SPATA6L: variants seen among roughly 807,000 people sequenced by gnomAD.
SPATA6L encodes spermatogenesis associated 6 like.
Under a neutral mutation model 49.2 loss-of-function variants are expected in SPATA6L, and 68 were observed. That is an observed-to-expected ratio of 1.38 (90% CI 1.14 to 1.69). The LOEUF (loss-of-function observed/expected upper bound fraction) is 1.69, where lower values mean the gene tolerates loss of function less well. Ranked by LOEUF, SPATA6L falls within the 40% of genes most tolerant of loss-of-function variation. SPATA6L has a pLI of 0.00. For synonymous variants in SPATA6L, 198 were observed against 165.7 expected, an observed-to-expected ratio of 1.19 and a Z score of -1.50; for missense variants, 668 against 464.3, an observed-to-expected ratio of 1.44 and a Z score of -4.03.
At chr9:4,632,393 C>G (rs544362082) in intron 4 of SPATA6L, among the ~76,000 whole-genome samples, 2 of 151,528 alleles carry the variant, frequency 1.3e-5, no homozygotes, top group African/African-American at 4.9e-5. Context: ...GTCAGGAGTT[C>G]GAGACCAGCC....
intron 11 of SPATA6L, among the ~76,000 whole-genome samples, chr9:4,602,279 A>G (rs998800729): frequency 6.6e-6 from 1 of 152,020 alleles, no homozygotes; most frequent in African/African-American, 2.4e-5. Flanking sequence ...CATGTGGGCT[A>G]TGTTCCGTAT....
chr9:4,597,132 C>T (rs897265780), downstream of SPATA6L, among the ~76,000 whole-genome samples: 1 of 151,998 alleles, frequency 6.6e-6, no homozygotes, highest in Non-Finnish European at 1.5e-5. Context: ...AGGCACTCAG[C>T]CTGTAAATGG....
Position 4,635,275 on chromosome 9 carries a change from T to C in SPATA6L, c.351A>G (p.Pro117=), listed in dbSNP as rs1422314553. The C allele has an allele frequency of 2.6e-6, 4 of 1,513,340 alleles. No individual in the cohort carries two copies. Among genetic ancestry groups the C allele is most frequent in the Non-Finnish European group, 3.5e-6 (4 of 1,142,586 alleles). The allele number at this position is 1,513,340 out of a possible 1,614,324, so 93.7% of individuals were successfully genotyped here. A position where few individuals can be genotyped will look rare whatever the true frequency, so the allele number is the denominator to read the frequency against. The change falls in exon 4 of 12, where the codon CCA becomes CCG. Residue 117 remains proline, a splice_region_variant and synonymous_variant. Coordinates refer to ENST00000682582, the MANE Select transcript of SPATA6L (RefSeq NM_001353486.2). The part of the protein sequence containing the change: ...EVLMKTALGF[P]GIAPKIEFST... Reference sequence around the variant, plus strand: ...GCCCAGATGAGCATGAATCACTTACTGGAAAACCCAGAGCCGTCTTCATGA... The same window carrying C: ...GCCCAGATGAGCATGAATCACTTACCGGAAAACCCAGAGCCGTCTTCATGA...
chr9:4,660,382 G>A (rs1264930066), intron 2 of SPATA6L, among the ~76,000 whole-genome samples: 1 of 152,196 alleles, frequency 6.6e-6, no homozygotes, highest in East Asian at 1.9e-4. Flanking sequence ...GACATGAACA[G>A]ACACTTCTCA....
chr9:4,657,894 A>G (rs1028864105), intron 2 of SPATA6L, among the ~76,000 whole-genome samples: 1 of 152,120 alleles, frequency 6.6e-6, no homozygotes, highest in Non-Finnish European at 1.5e-5. Flanking sequence ...ATTGGGCTTC[A>G]GTTTGCTTAC....
At chr9:4,632,424 C>T (rs1408810471) in intron 4 of SPATA6L, among the ~76,000 whole-genome samples, 9 of 151,620 alleles carry the variant, frequency 5.9e-5, no homozygotes, top group Admixed American at 1.3e-4. Context: ...GAGGAAACCT[C>T]GTCTCTACTA....
chr9:4,636,833 G>A (rs530587406), intron 3 of SPATA6L, among the ~76,000 whole-genome samples: 1 of 151,988 alleles, frequency 6.6e-6, no homozygotes, highest in Non-Finnish European at 1.5e-5. Context: ...CTTCCCACTC[G>A]TGTGCTCCCA....
rs1275113747 is a variant in SPATA6L, at chr9:4,617,996, C to T, written c.922G>A (p.Gly308Arg). The T allele has an allele frequency of 7.4e-6, 12 of 1,613,886 alleles. No individual in the cohort carries two copies. The highest frequency in any genetic ancestry group is 4.5e-5 in the East Asian group (2 of 44,884). The change falls in exon 9 of 12, where the codon GGG becomes AGG. Residue 308 changes from glycine to arginine, a missense_variant. Gly to Arg is a moderately radical substitution (Grantham distance 125, BLOSUM62 -2). Coordinates refer to ENST00000682582, the MANE Select transcript of SPATA6L (RefSeq NM_001353486.2). ...TGGTAGGTGGCAAATGAAGCTTTCC[C>T]GTGGAAATCAGCATCCCCTTGTTTA... is the stretch of plus-strand genomic sequence containing the variant. ...SSKQGDADFH[G>R]KASFATYQHS...
intron 3 of SPATA6L, among the ~76,000 whole-genome samples, chr9:4,651,539 G>A (rs968922802): frequency 1.3e-5 from 2 of 152,066 alleles, no homozygotes; most frequent in African/African-American, 4.8e-5. Context: ...GACATAACAA[G>A]AAAACAAAAC....
chr9:4,641,044 T>C (rs1833921181), intron 3 of SPATA6L, among the ~76,000 whole-genome samples: 2 of 152,182 alleles, frequency 1.3e-5, no homozygotes, highest in South Asian at 4.1e-4. Flanking sequence ...AGAATATATA[T>C]AGTCAACATA....
chr9:4,647,957 C>T (rs549721473), intron 3 of SPATA6L, among the ~76,000 whole-genome samples: 2 of 151,974 alleles, frequency 1.3e-5, no homozygotes, highest in Non-Finnish European at 1.5e-5. Context: ...GCCTCAGCCT[C>T]TCGAGTAGCT....
intron 3 of SPATA6L, among the ~76,000 whole-genome samples, chr9:4,635,784 A>G (rs1361487166): frequency 6.6e-6 from 1 of 152,218 alleles, no homozygotes. Context: ...TACAGTTTAG[A>G]CTGGGGTTCA....
intron 8 of SPATA6L, among the ~76,000 whole-genome samples, chr9:4,618,550 T>C (rs1318093936): frequency 2.6e-5 from 4 of 152,198 alleles, no homozygotes; most frequent in African/African-American, 9.7e-5. Flanking sequence ...CAAGAACAAG[T>C]GATTTACCAC....
At chr9:4,591,319 T>C (rs927445296) in intron 13 of SPATA6L, among the ~76,000 whole-genome samples, 2 of 152,170 alleles carry the variant, frequency 1.3e-5, no homozygotes, top group African/African-American at 4.8e-5. Context: ...GGTTATTAGC[T>C]TAGCTTGGCA....
downstream of SPATA6L, among the ~76,000 whole-genome samples, chr9:4,594,933 A>AC (rs1402523593): frequency 1.3e-5 from 2 of 152,034 alleles, no homozygotes; most frequent in Non-Finnish European, 2.9e-5. Context: ...ACCCACCTTG[A>AC]CCCCTAGTAA....
intron 3 of SPATA6L, chr9:4,646,207 A>C (rs898607182): frequency 3.5e-5 from 8 of 231,672 alleles, no homozygotes; most frequent in Non-Finnish European, 5.0e-5. Context: ...GGACTGAAAA[A>C]ATTATTTAAT....
chr9:4,638,666 T>A (rs1166252727), intron 3 of SPATA6L, among the ~76,000 whole-genome samples: 1 of 152,148 alleles, frequency 6.6e-6, no homozygotes, highest in Non-Finnish European at 1.5e-5. Flanking sequence ...CCAGAAACTC[T>A]GAAGTACAAC....
At chr9:4,651,290 A>C (rs1401445959) in intron 3 of SPATA6L, among the ~76,000 whole-genome samples, 1 of 152,222 alleles carries the variant, frequency 6.6e-6, no homozygotes, top group Admixed American at 6.5e-5. Flanking sequence ...AAAAAGACAC[A>C]AACTAATAAC....
At position 4,666,436 on chromosome 9, in the gene SPATA6L, C is replaced by CACT; in HGVS notation, c.-187_-186insAGT. ...CTCCCACCGGGACGGGTCTCTCACA[C>CACT]TCGAAGCTGGAGTGCAGGCTTCCAG... On this transcript the variant is annotated 5_prime_UTR_variant, in exon 1 of 12. Transcript: ENST00000682582. 1 of 636,022 alleles carries CACT rather than the reference C, an allele frequency of 1.6e-6. No homozygotes were observed. Among genetic ancestry groups the CACT allele is most frequent in the Non-Finnish European group, 2.8e-6 (1 of 353,466 alleles). 39.4% of individuals were successfully genotyped at this position (636,022 alleles called of 1,614,324 possible). A position where few individuals can be genotyped will look rare whatever the true frequency, so the allele number is the denominator to read the frequency against.
Sources: gnomAD v4.1 joint callset for allele counts (sites outside exome capture counted in the v4.1 genomes callset) on GRCh38, gnomAD v4.1.1 for gene constraint, MANE v1.5 for transcripts, NCBI Gene and HGNC (gene_info 2026-07-23, HGNC 2026-07-21) for gene names.